The following KHDRBS3 variants were observed in gnomAD, a reference collection of about 807,000 sequenced individuals.
KHDRBS3 encodes KH RNA binding domain containing, signal transduction associated 3.
Under a neutral mutation model 45.6 loss-of-function variants are expected in KHDRBS3, and 23 were observed. That is an observed-to-expected ratio of 0.50 (90% CI 0.36 to 0.72). The LOEUF is 0.72. Among genes scored for constraint, KHDRBS3 ranks in the 30% least tolerant of loss-of-function variants. KHDRBS3 has a pLI of 0.00. For synonymous variants in KHDRBS3, 162 were observed against 156.5 expected (o/e 1.04, Z -0.26); for missense variants, 352 against 424.8 (o/e 0.83, Z 1.51).
chr8:135,625,508 G>C, intron 7 of KHDRBS3: 1 of 804,866 alleles, frequency 1.2e-6, no homozygotes, highest in South Asian at 1.4e-5. Context: ...CCTCAGGGGA[G>C]CTGCACTGCT....
intron 2 of KHDRBS3, among the ~76,000 whole-genome samples, chr8:135,528,777 G>A (rs1013043790): frequency 1.4e-4 from 22 of 152,134 alleles, no homozygotes; most frequent in Admixed American, 1.2e-3. Context: ...CTGCCTCCTC[G>A]CATAGTAGTA....
At chr8:135,543,163 T>C (rs1826126263) in intron 3 of KHDRBS3, among the ~76,000 whole-genome samples, 1 of 152,186 alleles carries the variant, frequency 6.6e-6, no homozygotes, top group African/African-American at 2.4e-5. Flanking sequence ...ATAATGTATA[T>C]GCTTTTATTT....
intron 1 of KHDRBS3, among the ~76,000 whole-genome samples, chr8:135,504,564 A>C (rs1823895630): frequency 6.6e-6 from 1 of 152,196 alleles, no homozygotes; most frequent in Admixed American, 6.5e-5. Flanking sequence ...TTGTAAACTT[A>C]ATTAGTTCTT....
intron 2 of KHDRBS3, among the ~76,000 whole-genome samples, chr8:135,526,670 G>A (rs1196878362): frequency 6.6e-6 from 1 of 152,254 alleles, no homozygotes; most frequent in Middle Eastern, 3.4e-3. Flanking sequence ...AGCTTCTGGG[G>A]CAAGAGAGAA....
intron 1 of KHDRBS3, among the ~76,000 whole-genome samples, chr8:135,491,658 A>G (rs1244378549): frequency 6.6e-6 from 1 of 152,184 alleles, no homozygotes; most frequent in African/African-American, 2.4e-5. Flanking sequence ...ATTCATATTC[A>G]TAGATTAGCG....
chr8:135,512,052 A>G (rs1171658677), intron 1 of KHDRBS3, among the ~76,000 whole-genome samples: 2 of 152,152 alleles, frequency 1.3e-5, no homozygotes, highest in Admixed American at 6.5e-5. Context: ...CACTGTATGA[A>G]TCAATCTAGT....
intron 7 of KHDRBS3, among the ~76,000 whole-genome samples, chr8:135,623,420 C>A (rs1263974732): frequency 2.6e-5 from 4 of 152,146 alleles, no homozygotes; most frequent in Non-Finnish European, 4.4e-5. Flanking sequence ...AAACCTTACG[C>A]TTAACTAATA....
intron 1 of KHDRBS3, 62 bp downstream of exon 1, chr8:135,458,016 G>A (rs1419686096): frequency 6.0e-6 from 9 of 1,504,482 alleles, no homozygotes; most frequent in Non-Finnish European, 8.0e-6. Flanking sequence ...AAACGCGGGG[G>A]CCCAGGGGGC....
intron 1 of KHDRBS3, among the ~76,000 whole-genome samples, chr8:135,512,996 A>C (rs9644458): frequency 0.55 from 83,158 of 151,368 alleles, 23,920 homozygotes; most frequent in East Asian, 0.78. Context: ...GCGGATGACA[A>C]GGTCAGGAGA....
intron 1 of KHDRBS3, among the ~76,000 whole-genome samples, chr8:135,502,618 C>T (rs539904992): frequency 7.2e-5 from 11 of 152,238 alleles, no homozygotes; most frequent in African/African-American, 2.6e-4. Context: ...AGAATAGGGT[C>T]GGCATCATAT....
intron 1 of KHDRBS3, among the ~76,000 whole-genome samples, chr8:135,468,821 G>T (rs1019305909): frequency 6.6e-6 from 1 of 152,168 alleles, no homozygotes; most frequent in African/African-American, 2.4e-5. Context: ...GACCTCTCAT[G>T]GCTCTTTTGG....
At position 135,457,800 on chromosome 8, in the gene KHDRBS3, CGG is replaced by C; in HGVS notation, c.-63_-62del. ...CCGCCGCTGGGGGCGCGGGCGGGGT[CGG>C]GGGTTGCCGGGCGCCGCCCCCCGTG... On this transcript the variant is annotated 5_prime_UTR_variant, in exon 1 of 9. Transcript: ENST00000355849. The surrounding 1 kb of genome is among the most constrained non-coding windows in gnomAD (Gnocchi z 4.4). 1 of 1,060,614 alleles carries C rather than the reference CGG, an allele frequency of 9.4e-7. No homozygotes were observed. The highest frequency in any genetic ancestry group is 1.3e-6 in the Non-Finnish European group (1 of 767,500). 65.7% of individuals were successfully genotyped at this position (1,060,614 alleles called of 1,614,324 possible).
chr8:135,646,575 A>G lies in KHDRBS3; in HGVS notation c.950-418A>G, dbSNP rs942706789. Among the ~76,000 whole-genome samples, 3 of 152,046 alleles carry G rather than the reference A, an allele frequency of 2.0e-5. No individual in the cohort carries two copies. The South Asian group carries it at 6.2e-4, about 32-fold the overall frequency. On this transcript the variant is annotated intron_variant, in intron 8 of 8. Transcript: ENST00000355849. Reference sequence around the variant, plus strand: ...TCTTTGTCTTCACAGATGTTTACCTATGTTTTTTCTTTGTTTTTGCTGTTG... The same window carrying G: ...TCTTTGTCTTCACAGATGTTTACCTGTGTTTTTTCTTTGTTTTTGCTGTTG...
At chr8:135,654,343 C>T (rs1831487462) in intron 4 of KHDRBS3, among the ~76,000 whole-genome samples, 1 of 152,164 alleles carries the variant, frequency 6.6e-6, no homozygotes, top group African/African-American at 2.4e-5. Context: ...TAAAGTAGAC[C>T]TACTGGGCTT....
At chr8:135,597,540 G>A (rs1293814578) in intron 6 of KHDRBS3, among the ~76,000 whole-genome samples, 2 of 151,990 alleles carry the variant, frequency 1.3e-5, no homozygotes, top group African/African-American at 4.8e-5. Flanking sequence ...TGGCCATAGT[G>A]TCTAAAATCT....
chr8:135,568,467 C>T (rs896714822), intron 5 of KHDRBS3, among the ~76,000 whole-genome samples: 3 of 152,088 alleles, frequency 2.0e-5, no homozygotes, highest in African/African-American at 4.8e-5. Context: ...TATTAAATTA[C>T]TAAATGTAAG....
intron 5 of KHDRBS3, 57 bp from the exon 6 acceptor site, chr8:135,581,821 A>AT: frequency 7.9e-7 from 1 of 1,268,012 alleles, no homozygotes; most frequent in Non-Finnish European, 1.1e-6. Flanking sequence ...ATATATGTGA[A>AT]TAACAGAATG....
intron 2 of KHDRBS3, among the ~76,000 whole-genome samples, chr8:135,529,472 A>G (rs1436985151): frequency 6.6e-6 from 1 of 152,234 alleles, no homozygotes; most frequent in African/African-American, 2.4e-5. Context: ...TTGAACTTAA[A>G]TTTGAAACTT....
intron 1 of KHDRBS3, among the ~76,000 whole-genome samples, chr8:135,484,865 T>TC (rs1822766026): frequency 6.6e-6 from 1 of 152,178 alleles, no homozygotes; most frequent in Non-Finnish European, 1.5e-5. Flanking sequence ...AAGTTGACAA[T>TC]ATTTATTGCC....
Sources: gnomAD v4.1 joint callset for allele counts (sites outside exome capture counted in the v4.1 genomes callset) on GRCh38, gnomAD v4.1.1 for gene constraint, Gnocchi (gnomAD v3.1) non-coding constraint, MANE v1.5 for transcripts, NCBI Gene and HGNC (gene_info 2026-07-23, HGNC 2026-07-21) for gene names.